PTPRM: variants seen among roughly 807,000 people sequenced by gnomAD.
PTPRM encodes receptor-type tyrosine-protein phosphatase mu.
In PTPRM, 47 loss-of-function variants were observed where a neutral mutation model predicts 186.7. The ratio of observed to expected loss-of-function variants is 0.25; its 90% CI spans 0.20 to 0.32. PTPRM has a LOEUF of 0.32. Ranked by LOEUF, PTPRM falls within the 10% of genes least tolerant of loss-of-function variation. The pLI, the probability that PTPRM is intolerant of heterozygous loss-of-function variation, is 1.00. For missense variants in PTPRM, 1,494 were observed against 1,865.0 expected, an observed-to-expected ratio of 0.80 and a Z score of 3.66; for synonymous variants, 668 against 674.9, an observed-to-expected ratio of 0.99 and a Z score of 0.16.
intron 3 of PTPRM, among the ~76,000 whole-genome samples, chr18:7,903,259 G>A (rs1194317043): frequency 1.3e-5 from 2 of 152,186 alleles, no homozygotes; most frequent in African/African-American, 4.8e-5. Context: ...GTGGGATGAA[G>A]GAAGGTCTGA....
Position 8,367,008 on chromosome 18 carries a change from GT to G in PTPRM, c.3055-3880del, listed in dbSNP as rs2095634013. ...TCCAACGGGCACCTCCAAACCAATA[GT>G]TCCAGCATCTCTGTATGCAGACCTT... On this transcript the variant is annotated intron_variant, in intron 23 of 32. Transcript: ENST00000580170. The G allele has an allele frequency of 4.6e-5, 7 of 152,328 alleles. No homozygotes were observed. The South Asian group carries it at 1.5e-3, about 32-fold the overall frequency. The allele number at this position is 152,328 out of a possible 1,614,324, so 9.4% of individuals were successfully genotyped here.
chr18:7,799,810 T>A (rs1200459413), intron 2 of PTPRM, among the ~76,000 whole-genome samples: 1 of 152,214 alleles, frequency 6.6e-6, no homozygotes, highest in Non-Finnish European at 1.5e-5. Context: ...CTTTAAGGTT[T>A]TCTGTAGATT....
intron 14 of PTPRM, among the ~76,000 whole-genome samples, chr18:8,215,861 G>T (rs1488584994): frequency 2.6e-5 from 4 of 152,068 alleles, no homozygotes; most frequent in Non-Finnish European, 5.9e-5. Flanking sequence ...TTCTTATCTG[G>T]TTCCTTGAGA....
chr18:8,129,504 T>TC (rs147200946), intron 13 of PTPRM, among the ~76,000 whole-genome samples: 12,025 of 152,216 alleles, frequency 0.079, 617 homozygotes, highest in Non-Finnish European at 0.11. Context: ...CAATATTCAG[T>TC]CTAACAGTTT....
intron 7 of PTPRM, among the ~76,000 whole-genome samples, chr18:8,055,264 G>C (rs2087841031): frequency 1.3e-5 from 2 of 152,008 alleles, no homozygotes; most frequent in South Asian, 2.1e-4. Flanking sequence ...ATTAGACATA[G>C]ATACACCCTC....
At chr18:8,084,459 CATGACTCCAAT>C in intron 9 of PTPRM, among the ~76,000 whole-genome samples, 1 of 152,060 alleles carries the variant, frequency 6.6e-6, no homozygotes, top group Non-Finnish European at 1.5e-5. Context: ...AGATACTCTG[CATGACTCCAAT>C]AGTGTCATGC....
At chr18:7,955,863 G>C (rs1353847032) in intron 7 of PTPRM, among the ~76,000 whole-genome samples, 1 of 152,188 alleles carries the variant, frequency 6.6e-6, no homozygotes, top group African/African-American at 2.4e-5. Context: ...TCATTGATGA[G>C]TGTTTAATGG....
chr18:7,836,633 C>G (rs960662030), intron 2 of PTPRM, among the ~76,000 whole-genome samples: 8 of 152,182 alleles, frequency 5.3e-5, no homozygotes, highest in Admixed American at 2.0e-4. Flanking sequence ...CCTTTTCTTT[C>G]TAATCGAGGT....
Position 7,888,221 on chromosome 18 carries a change from C to T in PTPRM, c.312C>T (p.Ser104=). Residue 104 remains serine (S), a synonymous_variant, in exon 3 of 33, where the codon TCC becomes TCT. Transcript: ENST00000580170. The part of the protein sequence containing the change: ...THCIDFHYFV[S]SKSNSPPGLL... ...GCATCGATTTTCACTATTTTGTGTC[C>T]AGCAAGAGTAATTCTCCTCCGGGGT... The T allele has an allele frequency of 1.2e-6, 2 of 1,614,090 alleles. No homozygotes were observed. Among genetic ancestry groups the T allele is most frequent in the South Asian group, 1.1e-5 (1 of 91,074 alleles).
At chr18:7,652,679 C>T (rs1341740290) in intron 1 of PTPRM, among the ~76,000 whole-genome samples, 1 of 145,306 alleles carries the variant, frequency 6.9e-6, no homozygotes, top group Non-Finnish European at 1.5e-5. Context: ...CGCATATTCT[C>T]ACTCATAGGT....
intron 3 of PTPRM, among the ~76,000 whole-genome samples, chr18:7,896,633 C>T (rs1482035659): frequency 6.6e-6 from 1 of 152,148 alleles, no homozygotes; most frequent in Non-Finnish European, 1.5e-5. Flanking sequence ...ATATGAGAGC[C>T]TTGTGGGTTC....
At position 8,155,247 on chromosome 18, in the gene PTPRM, G is replaced by A. The variant is rs79673824; in HGVS notation, c.2300+11468G>A. ...ATGTTTGACAGAACTTAGTATGTAA[G>A]CACTATCAATTTTACCATGATTAAT... On this transcript the variant is annotated intron_variant, in intron 14 of 32. Transcript: ENST00000580170. Among the ~76,000 whole-genome samples the A allele has an allele frequency of 8.3e-3, 1,265 of 152,200 alleles. 10 individuals are homozygous for A. The highest frequency in any genetic ancestry group is 0.017 in the South Asian group (80 of 4,826).
intron 14 of PTPRM, among the ~76,000 whole-genome samples, chr18:8,222,033 C>A (rs1003536207): frequency 6.6e-6 from 1 of 152,230 alleles, no homozygotes; most frequent in African/African-American, 2.4e-5. Flanking sequence ...GCACTGGAGT[C>A]TCTGAGCCTA....
chr18:8,233,670 A>T (rs2094313476), intron 14 of PTPRM, among the ~76,000 whole-genome samples: 1 of 148,806 alleles, frequency 6.7e-6, no homozygotes, highest in South Asian at 2.1e-4. Flanking sequence ...CTATCTTATC[A>T]TTTTTTTTCA....
At chr18:7,592,796 G>A (rs780992754) in intron 1 of PTPRM, among the ~76,000 whole-genome samples, 10 of 152,228 alleles carry the variant, frequency 6.6e-5, no homozygotes, top group Non-Finnish European at 1.3e-4. Flanking sequence ...AAATACAAAG[G>A]CAGGTGTGTG....
intron 1 of PTPRM, among the ~76,000 whole-genome samples, chr18:7,696,530 A>G (rs2039847814): frequency 6.6e-6 from 1 of 152,336 alleles, no homozygotes; most frequent in African/African-American, 2.4e-5. Flanking sequence ...GTAGAGGTGC[A>G]AATGTACCAT....
At chr18:8,118,456 C>T (rs1008988284) in intron 13 of PTPRM, among the ~76,000 whole-genome samples, 3 of 152,112 alleles carry the variant, frequency 2.0e-5, no homozygotes, top group Admixed American at 6.6e-5. Flanking sequence ...CATGCAGCCC[C>T]GGATGGCTTT....
intron 2 of PTPRM, among the ~76,000 whole-genome samples, chr18:7,825,533 A>T (rs945781243): frequency 3.3e-5 from 5 of 152,108 alleles, no homozygotes; most frequent in Non-Finnish European, 7.4e-5. Flanking sequence ...ATATAAAAGG[A>T]TGTGAGGGAG....
chr18:8,093,879 A>G (rs573368752), intron 11 of PTPRM, among the ~76,000 whole-genome samples: 1 of 152,332 alleles, frequency 6.6e-6, no homozygotes, highest in African/African-American at 2.4e-5. Context: ...TTACTTACGT[A>G]ACTTAACAAA....
Sources: gnomAD v4.1 joint callset for allele counts (sites outside exome capture counted in the v4.1 genomes callset) on GRCh38, gnomAD v4.1.1 for gene constraint, MANE v1.5 for transcripts, NCBI Gene and HGNC (gene_info 2026-07-23, HGNC 2026-07-21) for gene names.